The following HDGFL3 variants were observed in gnomAD, a reference collection of about 807,000 sequenced individuals.
The protein encoded by HDGFL3 is hepatoma-derived growth factor-related protein 3.
Under a neutral mutation model 27.6 loss-of-function variants are expected in HDGFL3, and 6 were observed. The observed-to-expected ratio is 0.22, with a 90% confidence interval of 0.12 to 0.43. The LOEUF (loss-of-function observed/expected upper bound fraction) is 0.43. Among genes scored for constraint, HDGFL3 ranks in the 20% least tolerant of loss-of-function variants. The probability of loss-of-function intolerance (pLI) is 1.00; values close to 1 mark genes in which losing one functional copy is unlikely to be tolerated. For missense variants in HDGFL3, 207 were observed against 250.1 expected, an observed-to-expected ratio of 0.83 and a Z score of 1.16; for synonymous variants, 88 against 88.9, an observed-to-expected ratio of 0.99 and a Z score of 0.05.
chr15:83,118,349 A>G (rs1403070682), intron 3 of HDGFL3, among the ~76,000 whole-genome samples: 1 of 152,138 alleles, frequency 6.6e-6, no homozygotes, highest in Non-Finnish European at 1.5e-5. Context: ...AGGCGAGTTG[A>G]AAGGACCTGT....
chr15:83,125,581 TG>T (rs2035669797), downstream of HDGFL3, among the ~76,000 whole-genome samples: 1 of 152,370 alleles, frequency 6.6e-6, no homozygotes, highest in East Asian at 1.9e-4. Flanking sequence ...GGATTTTTAT[TG>T]ATCAGTGATC....
downstream of HDGFL3, chr15:83,124,661 C>T (rs1262132223): frequency 1.9e-6 from 3 of 1,611,336 alleles, no homozygotes; most frequent in South Asian, 1.1e-5. Flanking sequence ...TAGGTACAAA[C>T]TCTATTTTAG....
rs190581531 is a variant in HDGFL3 at position 83,139,590 on chromosome 15, A to G, written c.607-315T>C. ...TTCTAGGACTATGTTTATTGCTGGA[A>G]TACATCATCAGTGGAGAAATTGATA... On this transcript the variant is annotated intron_variant, in intron 5 of 5. Transcript: ENST00000299633. 2.7e-3 allele frequency among the ~76,000 whole-genome samples: 405 copies of G among 152,322 alleles called. 4 individuals are homozygous for G. The highest frequency in any genetic ancestry group is 9.3e-3 in the African/African-American group (385 of 41,580).
chr15:83,181,919 G>T (rs575372474), intron 1 of HDGFL3, among the ~76,000 whole-genome samples: 1 of 152,242 alleles, frequency 6.6e-6, no homozygotes, highest in East Asian at 1.9e-4. Context: ...AAACACACTT[G>T]CTTTTAGGGT....
chr15:83,115,621 G>C, exon 4 of HDGFL3: 1 of 669,278 alleles, frequency 1.5e-6, no homozygotes, highest in Non-Finnish European at 2.8e-6. Context: ...TGTGATGAGT[G>C]TTCCCTTGAT....
At chr15:83,140,047 A>C (rs556153203) in intron 5 of HDGFL3, among the ~76,000 whole-genome samples, 2 of 152,284 alleles carry the variant, frequency 1.3e-5, no homozygotes, top group South Asian at 4.1e-4. Flanking sequence ...CAGCCCTCAA[A>C]TATTTTTTCT....
chr15:83,174,398 G>T (rs997996974), intron 1 of HDGFL3, among the ~76,000 whole-genome samples: 6 of 151,532 alleles, frequency 4.0e-5, no homozygotes, highest in African/African-American at 1.5e-4. Flanking sequence ...CAAGGCTATT[G>T]TAACAGTTTT....
chr15:83,141,591 A>C (rs2151393330), intron 5 of HDGFL3, among the ~76,000 whole-genome samples: 1 of 152,182 alleles, frequency 6.6e-6, no homozygotes. Context: ...ATATTTAAAG[A>C]CTTTTTTTTT....
chr15:83,187,975 G>C (rs1046383916), intron 1 of HDGFL3, among the ~76,000 whole-genome samples: 1 of 151,920 alleles, frequency 6.6e-6, no homozygotes, highest in Non-Finnish European at 1.5e-5. Context: ...TAGACTTTGA[G>C]GAGATTGTTG....
At chr15:83,178,139 G>A (rs985102242) in intron 1 of HDGFL3, among the ~76,000 whole-genome samples, 4 of 152,146 alleles carry the variant, frequency 2.6e-5, no homozygotes, top group Admixed American at 1.3e-4. Flanking sequence ...ATAACAGTCC[G>A]AAAACACACA....
In HDGFL3 at chr15:83,138,030, A is replaced by G. The variant is rs2036687988; in HGVS notation, c.*1240T>C. 6.6e-6 allele frequency: 1 copy of G among 152,358 alleles called. No homozygotes were observed. The highest frequency in any genetic ancestry group is 6.6e-5 in the Admixed American group (1 of 15,248). 9.4% of individuals were successfully genotyped at this position (152,358 alleles called of 1,614,324 possible). On this transcript the variant is annotated 3_prime_UTR_variant, in exon 6 of 6. Coordinates refer to ENST00000299633, the MANE Select transcript of HDGFL3 (RefSeq NM_016073.4). ...AAAAAAAAAAAGAAAGAAAAAGAAA[A>G]ACCCTCACCTGCACTTGATTCTATT...
chr15:83,174,210 G>C (rs953944482), intron 1 of HDGFL3, among the ~76,000 whole-genome samples: 3 of 152,040 alleles, frequency 2.0e-5, no homozygotes, highest in Non-Finnish European at 4.4e-5. Context: ...AATTTCCTCT[G>C]AATCTGTTTT....
In HDGFL3 at chr15:83,136,250, C is replaced by A; in HGVS notation, c.*3020G>T. ...ATGATAAAACTACACTAAATAATAT[C>A]TACTTTATTTGAACAGTCATATCAA... is the stretch of plus-strand genomic sequence containing the variant. On this transcript the variant is annotated 3_prime_UTR_variant, in exon 6 of 6. Transcript: ENST00000299633. The A allele has an allele frequency of 2.7e-6, 1 of 373,528 alleles. No individual in the cohort carries two copies. 23.1% of individuals were successfully genotyped at this position (373,528 alleles called of 1,614,324 possible). A position where few individuals can be genotyped will look rare whatever the true frequency, so the allele number is the denominator to read the frequency against.
Position 83,198,311 on chromosome 15 carries a change from T to C in HDGFL3, c.84+9020A>G, listed in dbSNP as rs191134456. Among the ~76,000 whole-genome samples, 494 of 152,208 alleles carry C rather than the reference T, an allele frequency of 3.2e-3. 2 individuals carry two copies. Among genetic ancestry groups the C allele is most frequent in the Non-Finnish European group, 6.1e-3 (418 of 68,000 alleles). ...TGTTAACAAATCATCCTCTCAAAAA[T>C]CCAACTTCTGTTCTATATAAACGCA... On this transcript the variant is annotated intron_variant, in intron 1 of 5. Coordinates refer to ENST00000299633, the MANE Select transcript of HDGFL3 (RefSeq NM_016073.4).
chr15:83,143,732 G>C (rs1016725067), intron 5 of HDGFL3, among the ~76,000 whole-genome samples: 2 of 152,138 alleles, frequency 1.3e-5, no homozygotes, highest in African/African-American at 4.8e-5. Flanking sequence ...AATCTTGTGG[G>C]GCACTGGGGA....
chr15:83,166,431 T>C (rs775771336), intron 1 of HDGFL3, among the ~76,000 whole-genome samples: 1 of 152,210 alleles, frequency 6.6e-6, no homozygotes, highest in Non-Finnish European at 1.5e-5. Flanking sequence ...TCGTTACTAC[T>C]AGACCAGCCT....
intron 1 of HDGFL3, among the ~76,000 whole-genome samples, chr15:83,173,060 T>C (rs1224014812): frequency 6.6e-6 from 1 of 152,178 alleles, no homozygotes. Flanking sequence ...TTCATGTATT[T>C]TGTCGTAGCA....
At chr15:83,148,201 T>C (rs2036922733) in intron 5 of HDGFL3, among the ~76,000 whole-genome samples, 1 of 152,226 alleles carries the variant, frequency 6.6e-6, no homozygotes, top group East Asian at 1.9e-4. Flanking sequence ...CATTATCTTG[T>C]AAAGTTAAAA....
At chr15:83,120,817 C>T (rs1238731879) in intron 3 of HDGFL3, among the ~76,000 whole-genome samples, 2 of 152,026 alleles carry the variant, frequency 1.3e-5, no homozygotes, top group Admixed American at 1.3e-4. Flanking sequence ...CTGCCCGCCT[C>T]AGCCTCCCAA....
Sources: gnomAD v4.1 joint callset for allele counts (sites outside exome capture counted in the v4.1 genomes callset) on GRCh38, gnomAD v4.1.1 for gene constraint, MANE v1.5 for transcripts, NCBI Gene and HGNC (gene_info 2026-07-23, HGNC 2026-07-21) for gene names.